ADAMTSL1: variants seen among roughly 807,000 people sequenced by gnomAD.
ADAMTSL1 encodes ADAMTS-like protein 1.
ADAMTSL1 carries 126 observed loss-of-function variants against 201.8 expected under a neutral mutation model. The ratio of observed to expected loss-of-function variants is 0.62; its 90% CI spans 0.54 to 0.72. The LOEUF (loss-of-function observed/expected upper bound fraction) is 0.72, where lower values mean the gene tolerates loss of function less well. Ranked by LOEUF, ADAMTSL1 falls within the 30% of genes least tolerant of loss-of-function variation. The pLI, the probability that ADAMTSL1 is intolerant of heterozygous loss-of-function variation, is 0.00. For synonymous variants in ADAMTSL1, 1,121 were observed against 903.4 expected (o/e 1.24, Z -4.32); for missense variants, 2,679 against 2,277.8 (o/e 1.18, Z -3.59).
At chr9:18,593,135 C>G (rs1451075418) in intron 4 of ADAMTSL1, among the ~76,000 whole-genome samples, 1 of 151,894 alleles carries the variant, frequency 6.6e-6, no homozygotes, top group Non-Finnish European at 1.5e-5. Flanking sequence ...TAGGTTTTTC[C>G]AAATATAAGA....
chr9:18,267,744 A>G (rs1243158504), intron 2 of ADAMTSL1, among the ~76,000 whole-genome samples: 2 of 144,952 alleles, frequency 1.4e-5, no homozygotes, highest in East Asian at 4.1e-4. Flanking sequence ...TATATTTCTC[A>G]GGTTACTCAA....
At chr9:18,432,486 G>C (rs983860059) in intron 2 of ADAMTSL1, among the ~76,000 whole-genome samples, 37 of 152,068 alleles carry the variant, frequency 2.4e-4, no homozygotes, top group African/African-American at 8.0e-4. Context: ...ATGAGCACTA[G>C]ATTAAGCCAA....
intron 14 of ADAMTSL1, among the ~76,000 whole-genome samples, chr9:18,715,500 G>A (rs374643133): frequency 4.9e-4 from 75 of 151,924 alleles, no homozygotes; most frequent in Non-Finnish European, 8.7e-4. Context: ...CTTCAAAGAG[G>A]ATAAAATACC....
At chr9:18,721,457 G>C in intron 14 of ADAMTSL1, 79 bp from the exon 15 acceptor site, 1 of 1,559,758 alleles carries the variant, frequency 6.4e-7, no homozygotes, top group Non-Finnish European at 8.7e-7. Context: ...CCTCCCACCA[G>C]CTGCCTTGTC....
chr9:18,493,143 G>C (rs965990422), intron 1 of ADAMTSL1, among the ~76,000 whole-genome samples: 1 of 152,074 alleles, frequency 6.6e-6, no homozygotes, highest in Non-Finnish European at 1.5e-5. Flanking sequence ...TCTATTACTT[G>C]AATTGCAATA....
intron 23 of ADAMTSL1, among the ~76,000 whole-genome samples, chr9:18,864,979 A>AAATC (rs1265466255): frequency 6.6e-6 from 1 of 152,212 alleles, no homozygotes; most frequent in Non-Finnish European, 1.5e-5. Flanking sequence ...GATTAAAAAA[A>AAATC]AATCAATCAC....
At chr9:18,696,080 C>A (rs1040567115) in intron 13 of ADAMTSL1, among the ~76,000 whole-genome samples, 1 of 152,162 alleles carries the variant, frequency 6.6e-6, no homozygotes, top group Non-Finnish European at 1.5e-5. Context: ...ATCACAAGAA[C>A]AGCAAGGGGA....
intron 1 of ADAMTSL1, among the ~76,000 whole-genome samples, chr9:18,133,557 A>G (rs1292613309): frequency 6.6e-6 from 1 of 152,202 alleles, no homozygotes; most frequent in Non-Finnish European, 1.5e-5. Context: ...AGTAATTGCT[A>G]CTGAAACTAA....
chr9:18,901,788 TG>T (rs1830032787), intron 26 of ADAMTSL1, among the ~76,000 whole-genome samples: 2 of 151,978 alleles, frequency 1.3e-5, no homozygotes, highest in African/African-American at 4.8e-5. Flanking sequence ...AATAATAAAA[TG>T]GCAAAAGTAA....
chr9:18,571,284 AT>A (rs1362620702), intron 3 of ADAMTSL1, among the ~76,000 whole-genome samples: 4 of 152,226 alleles, frequency 2.6e-5, no homozygotes, highest in African/African-American at 4.8e-5. Context: ...TCTTCTGCTC[AT>A]TAAGGCAGAG....
chr9:18,696,788 T>C (rs542228509), intron 13 of ADAMTSL1, among the ~76,000 whole-genome samples: 2 of 152,130 alleles, frequency 1.3e-5, no homozygotes, highest in South Asian at 2.1e-4. Flanking sequence ...GAGATGAAAG[T>C]AGTACTATTA....
chr9:18,308,827 C>A (rs920312334), intron 2 of ADAMTSL1, among the ~76,000 whole-genome samples: 7 of 152,186 alleles, frequency 4.6e-5, no homozygotes, highest in African/African-American at 1.7e-4. Flanking sequence ...TCCTCCCTAA[C>A]TCATTTTATG....
chr9:18,039,891 C>G (rs1821362198), intron 1 of ADAMTSL1, among the ~76,000 whole-genome samples: 1 of 152,150 alleles, frequency 6.6e-6, no homozygotes, highest in South Asian at 2.1e-4. Context: ...ATTTCTGAAT[C>G]CGATTTGTCT....
chr9:18,274,574 T>C (rs1437581481), intron 2 of ADAMTSL1, among the ~76,000 whole-genome samples: 1 of 152,128 alleles, frequency 6.6e-6, no homozygotes, highest in Non-Finnish European at 1.5e-5. Flanking sequence ...AAAAAAAATA[T>C]TCATTATGCT....
chr9:18,879,246 A>G (rs1828372603), intron 23 of ADAMTSL1, among the ~76,000 whole-genome samples: 1 of 152,244 alleles, frequency 6.6e-6, no homozygotes, highest in South Asian at 2.1e-4. Context: ...TCATTCGAAC[A>G]TAAATGAACC....
chr9:18,120,488 A>G (rs1296133490), intron 1 of ADAMTSL1, among the ~76,000 whole-genome samples: 1 of 152,242 alleles, frequency 6.6e-6, no homozygotes, highest in Non-Finnish European at 1.5e-5. Context: ...CCACAGCCAC[A>G]TGGAACTTTC....
At chr9:18,038,305 T>A (rs1021163119) in intron 1 of ADAMTSL1, among the ~76,000 whole-genome samples, 1 of 152,148 alleles carries the variant, frequency 6.6e-6, no homozygotes, top group East Asian at 1.9e-4. Flanking sequence ...TCTGGGCCTC[T>A]GGGGATCTTA....
At chr9:18,617,373 T>C (rs1304167499) in intron 4 of ADAMTSL1, among the ~76,000 whole-genome samples, 1 of 152,174 alleles carries the variant, frequency 6.6e-6, no homozygotes, top group Non-Finnish European at 1.5e-5. Flanking sequence ...GTTCTCTTGC[T>C]ATCAGCTCTG....
chr9:18,184,443 T>C (rs1210763560), intron 2 of ADAMTSL1, among the ~76,000 whole-genome samples: 1 of 152,206 alleles, frequency 6.6e-6, no homozygotes, highest in African/African-American at 2.4e-5. Flanking sequence ...TAATCACCAG[T>C]ATCAAAATTT....
Sources: gnomAD v4.1 joint callset for allele counts (sites outside exome capture counted in the v4.1 genomes callset) on GRCh38, gnomAD v4.1.1 for gene constraint, MANE v1.5 for transcripts, NCBI Gene and HGNC (gene_info 2026-07-23, HGNC 2026-07-21) for gene names.